The following LPA variants were observed in gnomAD, a reference collection of about 807,000 sequenced individuals.
The protein encoded by LPA is lipoprotein(a), also known as apolipoprotein(a).
In LPA, 199 loss-of-function variants were observed where a neutral mutation model predicts 197.9. The ratio of observed to expected loss-of-function variants is 1.01; its 90% CI spans 0.90 to 1.13. LPA has a LOEUF of 1.13. Ranked by LOEUF, LPA falls within the 50% of genes most tolerant of loss-of-function variation. The pLI is 0.00. For missense variants in LPA, 1,853 were observed against 1,785.8 expected, an observed-to-expected ratio of 1.04 and a Z score of -0.68; for synonymous variants, 715 against 639.5, an observed-to-expected ratio of 1.12 and a Z score of -1.78.
intron 2 of LPA, among the ~76,000 whole-genome samples, chr6:160,649,143 TAAG>T (rs1403275977): frequency 1.3e-5 from 2 of 152,196 alleles, no homozygotes; most frequent in African/African-American, 4.8e-5. Context: ...GCCTTTATTC[TAAG>T]AATATACTAA....
rs41267809 is a variant in LPA, at chr6:160,532,610, A to G, written c.5882T>C (p.Leu1961Pro). The change falls in exon 38 of 39, where the codon CTT becomes CCT. Residue 1961 changes from leucine to proline, a missense_variant. By Grantham distance (98) the Leu-to-Pro change is moderately conservative. Coordinates refer to ENST00000316300, the MANE Select transcript of LPA (RefSeq NM_005577.4). Reference protein sequence around the residue: ...GTGLLKEAQLLVIENEVCNHY... With the variant: ...GTGLLKEAQLPVIENEVCNHY... ...ATTGCACACTTCATTCTCAATAACA[A>G]GGAGCTGGGCTTCCTTGAGAAGGCC... 34,226 of 1,613,126 alleles carry G rather than the reference A, an allele frequency of 0.021. 466 individuals carry two copies. Among genetic ancestry groups the G allele is most frequent in the Middle Eastern group, 0.052 (316 of 6,058 alleles).
intron 18 of LPA, among the ~76,000 whole-genome samples, chr6:160,603,227 T>C (rs562355518): frequency 7.1e-6 from 1 of 140,234 alleles, no homozygotes; most frequent in African/African-American, 2.9e-5. Context: ...TTTTAGTATT[T>C]GTGGAGGTGT....
chr6:160,653,395 A>G (rs112728285), intron 1 of LPA, among the ~76,000 whole-genome samples: 107 of 152,274 alleles, frequency 7.0e-4, no homozygotes, highest in African/African-American at 2.2e-3. Context: ...ATACAGAAGA[A>G]CACCAGCAAC....
chr6:160,598,033 C>A (rs888079935), intron 20 of LPA, among the ~76,000 whole-genome samples: 2 of 152,158 alleles, frequency 1.3e-5, no homozygotes, highest in Admixed American at 1.3e-4. Context: ...TAGGAATATA[C>A]AAAGTCTACT....
chr6:160,603,837 CT>C (rs1180546094), intron 18 of LPA, among the ~76,000 whole-genome samples: 3 of 152,070 alleles, frequency 2.0e-5, no homozygotes, highest in Non-Finnish European at 2.9e-5. Flanking sequence ...CTAGAGCTGC[CT>C]TTTTTTCTAG....
At chr6:160,542,632 G>C in intron 34 of LPA, 56 bp downstream of exon 34, 1 of 1,610,514 alleles carries the variant, frequency 6.2e-7, no homozygotes, top group Non-Finnish European at 8.5e-7. Context: ...ATGTAGAAGG[G>C]TTTTGTGGGG....
chr6:160,553,149 C>T (rs1466833906), intron 30 of LPA, among the ~76,000 whole-genome samples: 2 of 152,258 alleles, frequency 1.3e-5, no homozygotes, highest in East Asian at 3.9e-4. Context: ...TTTACTACTA[C>T]ATACGTTGAA....
intron 26 of LPA, among the ~76,000 whole-genome samples, chr6:160,582,102 C>T (rs375952550): frequency 1.1e-4 from 16 of 152,206 alleles, no homozygotes; most frequent in African/African-American, 2.4e-4. Context: ...TATGTACTTA[C>T]GTAACATTCA....
intron 27 of LPA, 70 bp from the exon 28 acceptor site, chr6:160,577,365 T>C: frequency 7.0e-7 from 1 of 1,429,828 alleles, no homozygotes; most frequent in African/African-American, 1.4e-5. Flanking sequence ...ACAATTTATG[T>C]CACATACTGG....
At chr6:160,545,819 C>T (rs1778060460) in intron 32 of LPA, among the ~76,000 whole-genome samples, 1 of 152,112 alleles carries the variant, frequency 6.6e-6, no homozygotes, top group African/African-American at 2.4e-5. Flanking sequence ...CACTGGAGGT[C>T]TTAGAGCTAG....
At chr6:160,564,240 C>T (rs1778411393) in intron 28 of LPA, among the ~76,000 whole-genome samples, 2 of 152,094 alleles carry the variant, frequency 1.3e-5, no homozygotes, top group African/African-American at 4.8e-5. Context: ...TTCTTCAGGA[C>T]CTCTTGTAAG....
intron 16 of LPA, among the ~76,000 whole-genome samples, chr6:160,610,153 C>T (rs1365072239): frequency 6.6e-6 from 1 of 152,142 alleles, no homozygotes; most frequent in East Asian, 1.9e-4. Flanking sequence ...GGTCATGGAT[C>T]ACACGAAATT....
In LPA at chr6:160,595,431, C is replaced by T; in HGVS notation, c.3392G>A (p.Cys1131Tyr). 6.2e-7 allele frequency: 1 copy of T among 1,613,832 alleles called. No individual in the cohort carries two copies. Among genetic ancestry groups the T allele is most frequent in the South Asian group, 1.1e-5 (1 of 91,060 alleles). Reference protein sequence around the residue: ...VRWEYCNLTQCLVTESSVLAT... With the variant: ...VRWEYCNLTQYLVTESSVLAT... ...AAGGACACTTGATTCTGTCACCAGG[C>T]ATTGTGTCAGGTTGCAGTACTCCCA... The change falls in exon 21 of 39, where the codon TGC becomes TAC. Residue 1131 changes from cysteine (C) to tyrosine (Y), a missense_variant. Physicochemically the swap from Cys to Tyr is radical, Grantham distance 194. Coordinates refer to ENST00000316300, the MANE Select transcript of LPA (RefSeq NM_005577.4).
At chr6:160,599,356 C>T in intron 20 of LPA, 144 bp downstream of exon 20, 2 of 1,301,384 alleles carry the variant, frequency 1.5e-6, no homozygotes, top group South Asian at 1.2e-5. Context: ...AAAACAAAGT[C>T]TTCTCTAAGA....
chr6:160,599,647 TC>T lies in LPA; in HGVS notation c.3139del (p.Glu1047LysfsTer35). 1 of 1,614,090 alleles carries T rather than the reference TC, an allele frequency of 6.2e-7. No individual in the cohort carries two copies. The highest frequency in any genetic ancestry group is 8.5e-7 in the Non-Finnish European group (1 of 1,179,964). On this transcript the variant is annotated frameshift_variant, in exon 20 of 39. Coordinates refer to ENST00000316300, the MANE Select transcript of LPA (RefSeq NM_005577.4). LOFTEE classifies it high-confidence loss of function. ...EAFFEQALTE[E>X]TPGVQDCYYH... is the part of the protein sequence containing the mutation. ...GTAGCAGTCCTGTACCCCGGGGGTT[TC>T]CTCAGTCAGTGCTGAAATTAAAACA...
rs1413610207 is a variant in LPA, at chr6:160,610,935, G to T, written c.2603+627C>A. On this transcript the variant is annotated intron_variant, in intron 16 of 38. Transcript: ENST00000316300. ...TGATTATGGCCAAATGATTGGCCAT[G>T]GGGTGGTCAGACCAGGGCTTCTATC... Among the ~76,000 whole-genome samples, 7 of 152,108 alleles carry T rather than the reference G, an allele frequency of 4.6e-5. No individual in the cohort carries two copies. The East Asian group carries it at 1.4e-3, about 29-fold the overall frequency.
intron 6 of LPA, among the ~76,000 whole-genome samples, chr6:160,635,534 G>C (rs1395729950): frequency 8.3e-6 from 1 of 120,554 alleles, no homozygotes; most frequent in East Asian, 2.4e-4. Context: ...AAAATCTAAA[G>C]TAGCAAACGC....
intron 30 of LPA, among the ~76,000 whole-genome samples, chr6:160,552,467 A>C (rs919986382): frequency 1.3e-4 from 20 of 152,194 alleles, no homozygotes; most frequent in African/African-American, 4.8e-4. Context: ...TGTGAAATTT[A>C]TCACTAAATA....
At chr6:160,641,063 A>C (rs1466236138) in intron 4 of LPA, among the ~76,000 whole-genome samples, 1 of 139,534 alleles carries the variant, frequency 7.2e-6, no homozygotes, top group Non-Finnish European at 1.6e-5. Context: ...ATTTTTTTAA[A>C]TAAAAAATCT....
Sources: allele counts gnomAD v4.1 joint callset (sites outside exome capture counted in the v4.1 genomes callset), GRCh38; gene constraint gnomAD v4.1.1; transcripts MANE v1.5; gene names NCBI Gene and HGNC (gene_info 2026-07-23, HGNC 2026-07-21).